MEGF9: variants seen among roughly 807,000 people sequenced by gnomAD.
MEGF9 encodes the protein multiple epidermal growth factor-like domains protein 9.
MEGF9 carries 6 observed loss-of-function variants against 46.8 expected under a neutral mutation model. The ratio of observed to expected loss-of-function variants is 0.13; its 90% CI spans 0.07 to 0.25. The LOEUF (loss-of-function observed/expected upper bound fraction) is 0.25, where lower values mean the gene tolerates loss of function less well. Among genes scored for constraint, MEGF9 ranks in the 10% least tolerant of loss-of-function variants. The pLI, the probability that MEGF9 is intolerant of heterozygous loss-of-function variation, is 1.00. For synonymous variants in MEGF9, 302 were observed against 330.7 expected, an observed-to-expected ratio of 0.91 and a Z score of 0.94; for missense variants, 683 against 792.4, an observed-to-expected ratio of 0.86 and a Z score of 1.66.
chr9:120,607,717 A>G (rs1245161037), intron 5 of MEGF9, 24 bp downstream of exon 5: 2 of 1,601,738 alleles, frequency 1.2e-6, no homozygotes, highest in South Asian at 2.2e-5. Flanking sequence ...TATTAAATTT[A>G]CAATCACTTA....
At position 120,612,451 on chromosome 9, in the gene MEGF9, T is replaced by G. The variant is rs2043452020; in HGVS notation, c.1032A>C (p.Lys344Asn). ...CTGAACAAGGGCAGCGAAGACATTC[T>G]TTAGTGGCATCAGGACTCTGATAAA... is the stretch of plus-strand genomic sequence containing the variant. ...EGFYQSPDAT[K>N]ECLRCPCSAV... Residue 344 changes from lysine to asparagine, a missense_variant, in exon 4 of 6, where the codon AAA becomes AAC. By Grantham distance (94) the Lys-to-Asn change is moderately conservative. Around this residue, in one of 2 missense-constraint regions of MEGF9, gnomAD observed 313 missense variants for 421.1 expected, o/e 0.74. Coordinates refer to ENST00000373930, the MANE Select transcript of MEGF9 (RefSeq NM_001080497.3). 1 of 1,613,686 alleles carries G rather than the reference T, an allele frequency of 6.2e-7. No homozygotes were observed. The highest frequency in any genetic ancestry group is 1.3e-5 in the African/African-American group (1 of 74,936).
chr9:120,684,528 T>C (rs1167060055), intron 1 of MEGF9, among the ~76,000 whole-genome samples: 1 of 152,250 alleles, frequency 6.6e-6, no homozygotes, highest in Non-Finnish European at 1.5e-5. Flanking sequence ...CCCACTCTCC[T>C]GCCACACTTC....
intron 1 of MEGF9, among the ~76,000 whole-genome samples, chr9:120,709,818 G>A (rs1475109858): frequency 6.6e-6 from 1 of 152,062 alleles, no homozygotes; most frequent in African/African-American, 2.4e-5. Flanking sequence ...GGAGGCCGCG[G>A]TGGGCAGATT....
At chr9:120,697,521 T>C (rs901975619) in intron 1 of MEGF9, among the ~76,000 whole-genome samples, 3 of 152,110 alleles carry the variant, frequency 2.0e-5, no homozygotes, top group African/African-American at 7.2e-5. Context: ...TCAAAAACAA[T>C]CAATACTACC....
intron 2 of MEGF9, among the ~76,000 whole-genome samples, chr9:120,623,292 T>TCA (rs1247756034): frequency 2.0e-5 from 3 of 152,132 alleles, no homozygotes; most frequent in Non-Finnish European, 4.4e-5. Flanking sequence ...GTATCAAGCT[T>TCA]CATTCTGTAG....
intron 2 of MEGF9, among the ~76,000 whole-genome samples, chr9:120,650,948 ACTCT>A (rs2043646904): frequency 6.6e-6 from 1 of 151,788 alleles, no homozygotes; most frequent in Non-Finnish European, 1.5e-5. Flanking sequence ...TTCTTTTTCT[ACTCT>A]GAACTACTAT....
chr9:120,691,970 T>A (rs1439767960), intron 1 of MEGF9, among the ~76,000 whole-genome samples: 2 of 152,240 alleles, frequency 1.3e-5, no homozygotes, highest in African/African-American at 4.8e-5. Flanking sequence ...ATTGTGGCTA[T>A]GTACCACTCA....
chr9:120,652,881 A>T (rs1444050330), intron 2 of MEGF9, among the ~76,000 whole-genome samples: 1 of 152,196 alleles, frequency 6.6e-6, no homozygotes, highest in Non-Finnish European at 1.5e-5. Flanking sequence ...ACTAATTATC[A>T]GAAAAATCCT....
At chr9:120,612,371 A>G in intron 4 of MEGF9, 25 bp downstream of exon 4, 1 of 1,591,306 alleles carries the variant, frequency 6.3e-7, no homozygotes, top group Non-Finnish European at 8.5e-7. Flanking sequence ...TCCCTCTAAA[A>G]TGAAAAGTTA....
intron 1 of MEGF9, among the ~76,000 whole-genome samples, chr9:120,702,687 C>CA (rs2043910805): frequency 6.6e-6 from 1 of 151,938 alleles, no homozygotes; most frequent in Non-Finnish European, 1.5e-5. Context: ...AGGACAAATC[C>CA]AAAATATAAG....
intron 2 of MEGF9, among the ~76,000 whole-genome samples, chr9:120,631,579 G>A (rs1175759322): frequency 6.6e-6 from 1 of 151,714 alleles, no homozygotes; most frequent in African/African-American, 2.4e-5. Context: ...CCACCTCCCA[G>A]GTTCAAGCAA....
At chr9:120,675,306 G>T (rs1310448792) in intron 1 of MEGF9, among the ~76,000 whole-genome samples, 2 of 152,054 alleles carry the variant, frequency 1.3e-5, no homozygotes, top group African/African-American at 2.4e-5. Context: ...ACCTAGTCTG[G>T]CTAGGTGCAG....
chr9:120,643,798 G>C (rs115688511), intron 2 of MEGF9, among the ~76,000 whole-genome samples: 1 of 151,248 alleles, frequency 6.6e-6, no homozygotes, highest in Non-Finnish European at 1.5e-5. Flanking sequence ...GGGCTCACGC[G>C]ATCCTCCTAC....
chr9:120,695,603 C>CAAAAAAAAAAAAAAA lies in MEGF9; in HGVS notation c.601+18140_601+18154dup, dbSNP rs370281228. 7.0e-4 allele frequency among the ~76,000 whole-genome samples: 13 copies of CAAAAAAAAAAAAAAA among 18,688 alleles called. 3 individuals carry two copies. Among genetic ancestry groups the CAAAAAAAAAAAAAAA allele is most frequent in the African/African-American group, 1.6e-3 (13 of 8,268 alleles). The allele number at this position is 18,688 out of a possible 152,430, so 12.3% of individuals were successfully genotyped here. On this transcript the variant is annotated intron_variant, in intron 1 of 5. Coordinates refer to ENST00000373930, the MANE Select transcript of MEGF9 (RefSeq NM_001080497.3). ...TGGGTGACAGTGTGAGACCCCATCT[C>CAAAAAAAAAAAAAAA]AAAAAAAAAAAAAAAAAAAAAAAAA...
intron 2 of MEGF9, among the ~76,000 whole-genome samples, chr9:120,659,126 A>G (rs945963714): frequency 6.6e-6 from 1 of 152,254 alleles, no homozygotes; most frequent in African/African-American, 2.4e-5. Flanking sequence ...TGAAATTTAC[A>G]GAAATTATCC....
chr9:120,674,457 C>T lies in MEGF9; in HGVS notation c.602-14882G>A, dbSNP rs1440531109. On this transcript the variant is annotated intron_variant, in intron 1 of 5. Transcript: ENST00000373930. ...TACTACTACACATCTAAGAGAATGG[C>T]AAATTTCAAAAAACTGTCAATACCA... Among the ~76,000 whole-genome samples the T allele has an allele frequency of 2.0e-5, 3 of 152,142 alleles. No homozygotes were observed. The East Asian group carries it at 5.8e-4, about 29-fold the overall frequency.
chr9:120,689,727 T>C (rs1394388324), intron 1 of MEGF9, among the ~76,000 whole-genome samples: 2 of 152,152 alleles, frequency 1.3e-5, no homozygotes, highest in African/African-American at 2.4e-5. Context: ...ATTATCATTG[T>C]CTCTTACTCA....
At chr9:120,616,677 C>CAAA (rs60170268) in intron 3 of MEGF9, among the ~76,000 whole-genome samples, 1 of 94,378 alleles carries the variant, frequency 1.1e-5, no homozygotes, top group African/African-American at 3.8e-5. Flanking sequence ...GACTCTGTCT[C>CAAA]AAAAAAAAAA....
intron 1 of MEGF9, chr9:120,691,551 T>C (rs956184029): frequency 5.4e-4 from 164 of 303,646 alleles, no homozygotes; most frequent in South Asian, 2.8e-4. Context: ...TAAAGTTGGA[T>C]AGTTTAAACG....
Sources: allele counts gnomAD v4.1 joint callset (sites outside exome capture counted in the v4.1 genomes callset), GRCh38; gene constraint gnomAD v4.1.1; regional missense constraint gnomAD v4.1.1; transcripts MANE v1.5; gene names NCBI Gene and HGNC (gene_info 2026-07-23, HGNC 2026-07-21).